Variants in GCSAML observed in about 807,000 individuals in gnomAD.
The protein encoded by GCSAML is germinal center associated signaling and motility like, also known as germinal center-associated signaling and motility-like protein.
Under a neutral mutation model 13.0 loss-of-function variants are expected in GCSAML, and 9 were observed. That is an observed-to-expected ratio of 0.69 (90% CI 0.42 to 1.21). GCSAML has a LOEUF of 1.21. GCSAML is among the 50% of genes most tolerant of loss of function. GCSAML has a pLI of 0.00. For missense variants in GCSAML, 143 were observed against 153.4 expected (o/e 0.93, Z 0.36); for synonymous variants, 37 against 52.9 (o/e 0.70, Z 1.31).
intron 1 of GCSAML, among the ~76,000 whole-genome samples, chr1:247,510,557 G>C (rs1010889479): frequency 2.0e-5 from 3 of 151,970 alleles, no homozygotes; most frequent in Non-Finnish European, 2.9e-5. Flanking sequence ...GAATTTGTTT[G>C]CTGTTGCTTC....
intron 2 of GCSAML, among the ~76,000 whole-genome samples, chr1:247,540,857 T>C (rs1219612283): frequency 1.3e-5 from 2 of 152,234 alleles, no homozygotes; most frequent in African/African-American, 4.8e-5. Context: ...TTGTCATTCA[T>C]GCATTTCCTA....
chr1:247,539,732 ACT>A (rs34590256), intron 2 of GCSAML, among the ~76,000 whole-genome samples: 10,865 of 151,998 alleles, frequency 0.071, 432 homozygotes, highest in South Asian at 0.13. Context: ...AATCCTTTTG[ACT>A]CTATTTTTAA....
chr1:247,543,427 A>G (rs569103421), intron 2 of GCSAML, among the ~76,000 whole-genome samples: 1 of 152,286 alleles, frequency 6.6e-6, no homozygotes, highest in South Asian at 2.1e-4. Flanking sequence ...TATGAATTAA[A>G]CTTTATCATA....
At chr1:247,558,896 A>G (rs1326305528) in intron 2 of GCSAML, among the ~76,000 whole-genome samples, 2 of 148,134 alleles carry the variant, frequency 1.4e-5, no homozygotes, top group African/African-American at 5.3e-5. Context: ...TTTAAATTTT[A>G]TTTGTTACCA....
chr1:247,545,576 A>G (rs146879426), upstream of GCSAML, among the ~76,000 whole-genome samples: 108 of 152,320 alleles, frequency 7.1e-4, 1 homozygote, highest in African/African-American at 2.5e-3. Flanking sequence ...TAGTCATCCT[A>G]ACAGGTATGA....
intron 1 of GCSAML, among the ~76,000 whole-genome samples, chr1:247,516,796 A>G (rs1666227735): frequency 6.6e-6 from 1 of 152,238 alleles, no homozygotes; most frequent in South Asian, 2.1e-4. Flanking sequence ...AAGGAGTGAT[A>G]GTAGAAAATT....
chr1:247,521,866 C>G (rs1666445268), intron 1 of GCSAML, among the ~76,000 whole-genome samples: 1 of 152,014 alleles, frequency 6.6e-6, no homozygotes, highest in South Asian at 2.1e-4. Flanking sequence ...AGGAGCCCCT[C>G]TGCCCGGCTG....
intron 2 of GCSAML, chr1:247,531,726 C>T (rs777271986): frequency 6.2e-7 from 1 of 1,614,186 alleles, no homozygotes; most frequent in South Asian, 1.1e-5. Flanking sequence ...TCTTGGCTGG[C>T]TGGAGATACA....
intron 2 of GCSAML, chr1:247,532,374 GATGATGCC>G: frequency 1.9e-6 from 3 of 1,614,156 alleles, no homozygotes; most frequent in Non-Finnish European, 2.5e-6. Context: ...AGACCAGAAT[GATGATGCC>G]ATTGCCCAAG....
rs140623459 is a variant in GCSAML at position 247,575,482 on chromosome 1, C to G, written c.*1100C>G. The G allele has an allele frequency of 8.7e-4, 132 of 152,268 alleles. No individual in the cohort carries two copies. The highest frequency in any genetic ancestry group is 3.1e-3 in the African/African-American group (130 of 41,552). The allele number at this position is 152,268 out of a possible 1,614,324, so 9.4% of individuals were successfully genotyped here. A position where few individuals can be genotyped will look rare whatever the true frequency, so the allele number is the denominator to read the frequency against. On this transcript the variant is annotated 3_prime_UTR_variant, in exon 5 of 5. Transcript: ENST00000366488. ...AAACTGTGTAAGACCAGTGACCAGA[C>G]CCTTTGCTAACCTGACATTTACTTC...
intron 2 of GCSAML, chr1:247,531,999 C>T: frequency 1.2e-6 from 2 of 1,614,116 alleles, no homozygotes; most frequent in Non-Finnish European, 1.7e-6. Flanking sequence ...TGCAATTGTT[C>T]CCACACAGCG....
chr1:247,518,742 G>C (rs747415367), intron 1 of GCSAML: 101 of 153,320 alleles, frequency 6.6e-4, no homozygotes, highest in Non-Finnish European at 7.0e-4. Flanking sequence ...CAGTCCCAGC[G>C]CTTTGGCAGG....
At chr1:247,528,115 T>C (rs1481098237) in intron 2 of GCSAML, 2 of 152,168 alleles carry the variant, frequency 1.3e-5, no homozygotes, top group Non-Finnish European at 2.9e-5. Context: ...ATTTCCTACC[T>C]TCCTGACTCA....
chr1:247,526,725 AAG>A lies in GCSAML; in HGVS notation c.-262-214_-262-213del. On this transcript the variant is annotated intron_variant, in intron 1 of 5. Transcript: ENST00000366489. The surrounding 1 kb of genome is among the most constrained non-coding windows in gnomAD (Gnocchi z 4.8). ...TGATCCAGGTTTTCTGTCCTGTGAG[AAG>A]CCATCAAAGCCTATGGTTGCTGCAA... is the stretch of plus-strand genomic sequence containing the variant. 2 of 356,124 alleles carry A rather than the reference AAG, an allele frequency of 5.6e-6. No homozygotes were observed. Among genetic ancestry groups the A allele is most frequent in the South Asian group, 2.2e-5 (1 of 45,730 alleles). 22.1% of individuals were successfully genotyped at this position (356,124 alleles called of 1,614,324 possible).
At chr1:247,531,940 A>T (rs748546913) in intron 2 of GCSAML, 8 of 1,614,092 alleles carry the variant, frequency 5.0e-6, no homozygotes, top group Non-Finnish European at 6.8e-6. Context: ...GCTGGTATCC[A>T]CACAAGCCAG....
At chr1:247,510,685 T>G (rs183541938) in intron 1 of GCSAML, among the ~76,000 whole-genome samples, 113 of 152,312 alleles carry the variant, frequency 7.4e-4, no homozygotes, top group Non-Finnish European at 1.3e-3. Context: ...GTCCCAGAGA[T>G]TCTGGTACGT....
At chr1:247,550,535 G>T (rs551433111) in intron 1 of GCSAML, among the ~76,000 whole-genome samples, 1 of 152,242 alleles carries the variant, frequency 6.6e-6, no homozygotes, top group Admixed American at 6.5e-5. Context: ...TACTCGGCAG[G>T]CTGGGGCAGG....
At chr1:247,559,705 G>T (rs1449725380) in intron 2 of GCSAML, among the ~76,000 whole-genome samples, 3 of 152,140 alleles carry the variant, frequency 2.0e-5, no homozygotes, top group Non-Finnish European at 4.4e-5. Flanking sequence ...CACAATTGCG[G>T]AGACTGGAAG....
At chr1:247,525,967 TA>T (rs1187533326) in intron 1 of GCSAML, 3 of 152,248 alleles carry the variant, frequency 2.0e-5, no homozygotes, top group African/African-American at 7.2e-5. Context: ...TCAGAGTATA[TA>T]CATGTGAATA....
Sources: gnomAD v4.1 joint callset for allele counts (sites outside exome capture counted in the v4.1 genomes callset) on GRCh38, gnomAD v4.1.1 for gene constraint, Gnocchi (gnomAD v3.1) non-coding constraint, MANE v1.5 for transcripts, NCBI Gene and HGNC (gene_info 2026-07-23, HGNC 2026-07-21) for gene names.